Variants in ARMH3 observed in about 807,000 individuals in gnomAD.
ARMH3 encodes armadillo like helical domain containing 3.
In ARMH3, 60 loss-of-function variants were observed where a neutral mutation model predicts 99.1. That is an observed-to-expected ratio of 0.61 (90% CI 0.49 to 0.75). ARMH3 has a LOEUF of 0.75. Ranked by LOEUF, ARMH3 falls within the 30% of genes least tolerant of loss-of-function variation. The probability of loss-of-function intolerance (pLI) is 0.00; values close to 1 mark genes in which losing one functional copy is unlikely to be tolerated. For missense variants in ARMH3, 679 were observed against 843.1 expected (o/e 0.81, Z 2.41); for synonymous variants, 285 against 292.8 (o/e 0.97, Z 0.27).
chr10:101,912,497 A>G (rs964293239), intron 23 of ARMH3, among the ~76,000 whole-genome samples: 59 of 151,926 alleles, frequency 3.9e-4, no homozygotes, highest in Admixed American at 3.7e-3. Context: ...ATTAGATACC[A>G]TTTCTGATTG....
In ARMH3 at chr10:101,852,873, C is replaced by T. The variant is rs560149156; in HGVS notation, c.1861-2981G>A. Among the ~76,000 whole-genome samples the T allele has an allele frequency of 8.7e-4, 132 of 151,844 alleles. 1 individual carries two copies. The highest frequency in any genetic ancestry group is 2.9e-3 in the African/African-American group (122 of 41,468). On this transcript the variant is annotated intron_variant, in intron 24 of 25. Coordinates refer to ENST00000370033, the MANE Select transcript of ARMH3 (RefSeq NM_024541.3). ...ACTGCCCGTTGCCACCTCCCCCTTC[C>T]GTGGCCCTTTCTTTTTTTTTTCTTT...
chr10:101,975,759 T>C (rs1845967547), intron 19 of ARMH3, among the ~76,000 whole-genome samples: 2 of 151,094 alleles, frequency 1.3e-5, no homozygotes, highest in Middle Eastern at 6.8e-3. Flanking sequence ...AGCTACTCGG[T>C]TGAGGCAGAA....
chr10:101,956,546 C>G (rs567404621), intron 22 of ARMH3, 51 bp downstream of exon 22: 18 of 1,593,878 alleles, frequency 1.1e-5, no homozygotes, highest in African/African-American at 1.1e-4. Context: ...TCTTATATGC[C>G]AAAAGCTAGA....
chr10:102,030,620 G>A (rs1330159700), intron 4 of ARMH3, among the ~76,000 whole-genome samples: 1 of 152,082 alleles, frequency 6.6e-6, no homozygotes, highest in Non-Finnish European at 1.5e-5. Flanking sequence ...TGAGGCAGGA[G>A]AATCCTTGAA....
At chr10:101,851,375 T>C (rs2066596962) in intron 24 of ARMH3, among the ~76,000 whole-genome samples, 1 of 152,114 alleles carries the variant, frequency 6.6e-6, no homozygotes, top group Non-Finnish European at 1.5e-5. Flanking sequence ...AAGGGGATGA[T>C]CATTCACTCT....
intron 8 of ARMH3, among the ~76,000 whole-genome samples, chr10:102,019,582 TTG>T (rs747487222): frequency 2.6e-5 from 4 of 151,892 alleles, no homozygotes; most frequent in Admixed American, 2.0e-4. Context: ...CTATGCTAAT[TTG>T]TGTGTGTGTG....
intron 23 of ARMH3, among the ~76,000 whole-genome samples, chr10:101,918,040 TTTTG>T (rs746206169): frequency 1.1e-3 from 170 of 152,192 alleles, no homozygotes; most frequent in African/African-American, 3.7e-3. Flanking sequence ...TCATGGGGTT[TTTTG>T]TTTGTTTGTT....
chr10:102,028,715 T>G (rs1262288283), intron 5 of ARMH3, among the ~76,000 whole-genome samples: 3 of 152,156 alleles, frequency 2.0e-5, no homozygotes, highest in African/African-American at 7.2e-5. Context: ...TAAAGCAGAT[T>G]AATGCTTGCC....
At chr10:101,999,859 C>T (rs1036835984) in intron 15 of ARMH3, among the ~76,000 whole-genome samples, 3 of 151,852 alleles carry the variant, frequency 2.0e-5, no homozygotes, top group African/African-American at 4.8e-5. Context: ...CTGAGGTGGG[C>T]GGATCACAAG....
chr10:101,882,890 T>A (rs2067452973), intron 24 of ARMH3, among the ~76,000 whole-genome samples: 1 of 152,204 alleles, frequency 6.6e-6, no homozygotes, highest in Non-Finnish European at 1.5e-5. Flanking sequence ...TTAGGAAAGA[T>A]GAACCCTCTT....
chr10:101,967,405 C>T (rs1427158953), intron 20 of ARMH3, among the ~76,000 whole-genome samples: 1 of 152,212 alleles, frequency 6.6e-6, no homozygotes, highest in East Asian at 1.9e-4. Context: ...CAGAGTGGTG[C>T]AGGAGAGAAT....
chr10:102,045,291 C>T (rs911227852), intron 1 of ARMH3, among the ~76,000 whole-genome samples: 2 of 152,056 alleles, frequency 1.3e-5, no homozygotes, highest in Non-Finnish European at 2.9e-5. Context: ...CAGAAAAGAT[C>T]CCTGCTCTCA....
intron 19 of ARMH3, among the ~76,000 whole-genome samples, chr10:101,990,190 TTTTTTTTTC>T (rs1333965439): frequency 6.7e-6 from 1 of 150,208 alleles, no homozygotes; most frequent in African/African-American, 2.4e-5. Context: ...TTTTTTTTTT[TTTTTTTTTC>T]CCAGACAGAG....
At chr10:101,919,326 T>C (rs546805267) in intron 23 of ARMH3, among the ~76,000 whole-genome samples, 1 of 152,314 alleles carries the variant, frequency 6.6e-6, no homozygotes, top group East Asian at 1.9e-4. Flanking sequence ...GCTGATGTTT[T>C]GAATGGTCAT....
At chr10:102,033,619 C>A (rs1030665009) in intron 2 of ARMH3, among the ~76,000 whole-genome samples, 1 of 152,130 alleles carries the variant, frequency 6.6e-6, no homozygotes, top group Non-Finnish European at 1.5e-5. Context: ...AGGGTTTCAC[C>A]ATGTTAGCCA....
At chr10:101,993,379 C>T (rs1846897639) in intron 17 of ARMH3, among the ~76,000 whole-genome samples, 159 bp downstream of exon 17, 2 of 152,084 alleles carry the variant, frequency 1.3e-5, no homozygotes, top group South Asian at 4.1e-4. Flanking sequence ...ACACAAAAAT[C>T]CCAACAACAA....
In ARMH3 at chr10:102,013,994, T is replaced by C. The variant is rs1417876812; in HGVS notation, c.700A>G (p.Ile234Val). The C allele has an allele frequency of 2.5e-6, 4 of 1,610,544 alleles. No individual in the cohort carries two copies. Among genetic ancestry groups the C allele is most frequent in the Non-Finnish European group, 1.7e-6 (2 of 1,177,686 alleles). The change falls in exon 9 of 26, where the codon ATC becomes GTC. Residue 234 changes from isoleucine (I) to valine (V), a missense_variant. By Grantham distance (29) the Ile-to-Val change is conservative. This residue lies in a region of ARMH3 where 280 missense variants were observed against 354.6 expected (regional missense o/e 0.79). Coordinates refer to ENST00000370033, the MANE Select transcript of ARMH3 (RefSeq NM_024541.3). Reference sequence around the variant, plus strand: ...TTGAGTGTGGCCTCATCATCCACGATAGACAGCTTCACAATATAAGGATTC... The same window carrying C: ...TTGAGTGTGGCCTCATCATCCACGACAGACAGCTTCACAATATAAGGATTC... ...SVNPYIVKLS[I>V]VDDEATLNGM...
chr10:101,912,895 T>C (rs1842925888), intron 23 of ARMH3: 1 of 152,198 alleles, frequency 6.6e-6, no homozygotes, highest in Non-Finnish European at 1.5e-5. Context: ...TCTCAGATGA[T>C]GGATAAACAA....
intron 1 of ARMH3, among the ~76,000 whole-genome samples, chr10:102,042,318 GA>G (rs2067443366): frequency 6.6e-6 from 1 of 152,194 alleles, no homozygotes; most frequent in South Asian, 2.1e-4. Context: ...CAAGTTCTTA[GA>G]CGTGATAAGT....
Sources: allele counts gnomAD v4.1 joint callset (sites outside exome capture counted in the v4.1 genomes callset), GRCh38; gene constraint gnomAD v4.1.1; regional missense constraint gnomAD v4.1.1; transcripts MANE v1.5; gene names NCBI Gene and HGNC (gene_info 2026-07-23, HGNC 2026-07-21).